The following CHSY1 variants were observed in gnomAD, a reference collection of about 807,000 sequenced individuals.
CHSY1 encodes N-acetylgalactosaminyl-proteoglycan 3-beta-glucuronosyltransferase 1.
In CHSY1, 13 loss-of-function variants were observed where a neutral mutation model predicts 59.8. That is an observed-to-expected ratio of 0.22 (90% CI 0.14 to 0.35). The LOEUF is 0.35. CHSY1 is among the 10% of genes least tolerant of loss of function. CHSY1 has a pLI of 1.00. For synonymous variants in CHSY1, 459 were observed against 401.2 expected (o/e 1.14, Z -1.72); for missense variants, 947 against 1,030.6 (o/e 0.92, Z 1.11).
chr15:101,226,385 C>T (rs1320128610), intron 2 of CHSY1, among the ~76,000 whole-genome samples: 2 of 152,166 alleles, frequency 1.3e-5, no homozygotes, highest in Non-Finnish European at 2.9e-5. Flanking sequence ...ACAATTTTTA[C>T]CCTCACCCCA....
intron 2 of CHSY1, among the ~76,000 whole-genome samples, chr15:101,181,531 C>A (rs2038278413): frequency 6.6e-6 from 1 of 152,172 alleles, no homozygotes; most frequent in African/African-American, 2.4e-5. Flanking sequence ...TCCTTCTTTG[C>A]CCTGCAGGAA....
intron 2 of CHSY1, among the ~76,000 whole-genome samples, chr15:101,218,000 C>T (rs139657866): frequency 5.8e-4 from 88 of 152,308 alleles, no homozygotes; most frequent in African/African-American, 2.0e-3. Context: ...GGTACGTACC[C>T]TTGATATGAT....
intron 2 of CHSY1, among the ~76,000 whole-genome samples, chr15:101,220,092 A>T (rs548873903): frequency 6.6e-6 from 1 of 152,336 alleles, no homozygotes; most frequent in African/African-American, 2.4e-5. Flanking sequence ...ACTTTTGATA[A>T]GAATCTCCCA....
Position 101,177,950 on chromosome 15 carries a change from A to C in CHSY1, c.1847T>G (p.Val616Gly). ...TTCATTGTTAAACTGGGAGGATCCT[A>C]CTTCCAGGGCCAGGGCTCTTGAAAA... ...GEFSRALALE[V>G]GSSQFNNESL... Residue 616 changes from valine (V) to glycine (G), a missense_variant, in exon 3 of 3, where the codon GTA becomes GGA. By Grantham distance (109) the Val-to-Gly change is moderately radical. This residue lies in a region of CHSY1 where 602 missense variants were observed against 676.9 expected (regional missense o/e 0.89). Transcript: ENST00000254190. The C allele has an allele frequency of 6.2e-7, 1 of 1,614,176 alleles. No individual in the cohort carries two copies. Among genetic ancestry groups the C allele is most frequent in the Non-Finnish European group, 8.5e-7 (1 of 1,180,000 alleles).
intron 2 of CHSY1, among the ~76,000 whole-genome samples, chr15:101,183,966 A>G (rs1215565935): frequency 6.6e-6 from 1 of 152,248 alleles, no homozygotes; most frequent in Non-Finnish European, 1.5e-5. Context: ...TCAGCAGCAT[A>G]TTTAAAGAGA....
chr15:101,204,166 C>T (rs1363319593), intron 2 of CHSY1, among the ~76,000 whole-genome samples: 3 of 152,174 alleles, frequency 2.0e-5, no homozygotes, highest in Non-Finnish European at 4.4e-5. Context: ...GGCACAGTGG[C>T]TCACACCTGT....
chr15:101,184,774 T>C (rs2038331970), intron 2 of CHSY1, among the ~76,000 whole-genome samples: 1 of 152,238 alleles, frequency 6.6e-6, no homozygotes, highest in Non-Finnish European at 1.5e-5. Flanking sequence ...AAGCCAAGTC[T>C]ACGCCCAGAC....
At chr15:101,249,631 A>G (rs1444619588) in intron 1 of CHSY1, among the ~76,000 whole-genome samples, 1 of 147,544 alleles carries the variant, frequency 6.8e-6, no homozygotes, top group African/African-American at 2.5e-5. Flanking sequence ...CTCCTGCCTC[A>G]GCCTCCTGAG....
rs1336159404 is a variant in CHSY1 at position 101,228,920 on chromosome 15, A to G, written c.816+6162T>C. 3.9e-5 allele frequency among the ~76,000 whole-genome samples: 6 copies of G among 152,358 alleles called. No individual in the cohort carries two copies. In the East Asian group the frequency reaches 1.2e-3, roughly 29 times the overall value. On this transcript the variant is annotated intron_variant, in intron 2 of 2. Coordinates refer to ENST00000254190, the MANE Select transcript of CHSY1 (RefSeq NM_014918.5). ...TTATTATAAATCTCTGTTGACTGGC[A>G]TACAACGTATAAAGATATAATTTAT...
intron 2 of CHSY1, among the ~76,000 whole-genome samples, chr15:101,205,097 T>C (rs1002447901): frequency 2.0e-5 from 3 of 152,240 alleles, no homozygotes; most frequent in African/African-American, 7.2e-5. Flanking sequence ...AAGAAGTTTT[T>C]CCTCTGTAAT....
chr15:101,213,935 C>T (rs1407130345), intron 2 of CHSY1, among the ~76,000 whole-genome samples: 2 of 152,194 alleles, frequency 1.3e-5, no homozygotes, highest in Non-Finnish European at 2.9e-5. Context: ...AAGAATGTGG[C>T]AAACTAGCCA....
intron 1 of CHSY1, among the ~76,000 whole-genome samples, chr15:101,236,525 A>C (rs1194759022): frequency 1.3e-5 from 2 of 152,176 alleles, no homozygotes; most frequent in Non-Finnish European, 2.9e-5. Context: ...TGAGTCCATT[A>C]AACCTCTGTT....
intron 2 of CHSY1, 61 bp from the exon 3 acceptor site, chr15:101,179,041 G>A: frequency 1.3e-6 from 2 of 1,520,130 alleles, no homozygotes; most frequent in East Asian, 2.3e-5. Context: ...GCCAGCACAT[G>A]CTAAAGAAAA....
At chr15:101,208,906 C>T (rs556793297) in intron 2 of CHSY1, among the ~76,000 whole-genome samples, 11 of 152,290 alleles carry the variant, frequency 7.2e-5, no homozygotes, top group Admixed American at 2.0e-4. Context: ...CTTTTCCTTA[C>T]TTTCAACTAA....
chr15:101,198,217 G>A (rs1406408854), intron 2 of CHSY1, among the ~76,000 whole-genome samples: 3 of 152,102 alleles, frequency 2.0e-5, no homozygotes, highest in Non-Finnish European at 2.9e-5. Context: ...GCAGCTGTCT[G>A]TCACCTAAGC....
intron 2 of CHSY1, among the ~76,000 whole-genome samples, chr15:101,204,932 T>C (rs923439923): frequency 3.3e-5 from 5 of 152,062 alleles, no homozygotes; most frequent in Non-Finnish European, 1.5e-5. Context: ...AAAGACCATC[T>C]GGCAGAGTTA....
chr15:101,206,953 C>T (rs1326832333), intron 2 of CHSY1, among the ~76,000 whole-genome samples: 2 of 152,218 alleles, frequency 1.3e-5, no homozygotes, highest in Non-Finnish European at 1.5e-5. Flanking sequence ...GTTCTAGGAA[C>T]GTATGCCACG....
intron 2 of CHSY1, chr15:101,186,645 A>G (rs1201778969): frequency 6.6e-6 from 1 of 151,770 alleles, no homozygotes; most frequent in Non-Finnish European, 1.5e-5. Flanking sequence ...CTCTACAAAT[A>G]ATTAAAAAAT....
At chr15:101,227,602 G>A (rs1323243061) in intron 2 of CHSY1, among the ~76,000 whole-genome samples, 1 of 152,250 alleles carries the variant, frequency 6.6e-6, no homozygotes. Context: ...ACACGCATGT[G>A]TGGGAGTGTG....
Sources: allele counts gnomAD v4.1 joint callset (sites outside exome capture counted in the v4.1 genomes callset), GRCh38; gene constraint gnomAD v4.1.1; regional missense constraint gnomAD v4.1.1; transcripts MANE v1.5; gene names NCBI Gene and HGNC (gene_info 2026-07-23, HGNC 2026-07-21).